TMEM132D: variants seen among roughly 807,000 people sequenced by gnomAD.
The protein encoded by TMEM132D is transmembrane protein 132D, also known as mature OL transmembrane protein.
TMEM132D carries 21 observed loss-of-function variants against 62.3 expected under a neutral mutation model. The ratio of observed to expected loss-of-function variants is 0.34; its 90% confidence interval spans 0.24 to 0.49. The LOEUF is 0.49. TMEM132D is among the 20% of genes least tolerant of loss of function. The pLI is 0.99. For missense variants in TMEM132D, 1,346 were observed against 1,402.8 expected, an observed-to-expected ratio of 0.96 and a Z score of 0.65; for synonymous variants, 621 against 575.6, an observed-to-expected ratio of 1.08 and a Z score of -1.13.
intron 5 of TMEM132D, among the ~76,000 whole-genome samples, chr12:129,086,187 T>G (rs1874611297): frequency 7.5e-6 from 1 of 132,526 alleles, no homozygotes. Context: ...TCACCTCACA[T>G]AGTCACGCGC....
At chr12:129,687,695 A>G (rs918508347) in intron 2 of TMEM132D, among the ~76,000 whole-genome samples, 3 of 152,030 alleles carry the variant, frequency 2.0e-5, no homozygotes, top group Non-Finnish European at 2.9e-5. Flanking sequence ...TTGTTGGTAT[A>G]GGCACTCCTC....
At chr12:129,487,721 A>G (rs562585429) in intron 3 of TMEM132D, among the ~76,000 whole-genome samples, 1 of 151,942 alleles carries the variant, frequency 6.6e-6, no homozygotes, top group African/African-American at 2.4e-5. Context: ...TCATGAGGTC[A>G]GGAGATCTCC....
At chr12:129,758,077 G>T (rs775386168) in intron 1 of TMEM132D, among the ~76,000 whole-genome samples, 79 of 152,068 alleles carry the variant, frequency 5.2e-4, no homozygotes, top group Non-Finnish European at 9.4e-4. Context: ...TAATTATTTT[G>T]TATTTTTAGT....
Position 129,609,043 on chromosome 12 carries a change from C to T in TMEM132D, c.969-77838G>A, listed in dbSNP as rs373959864. Among the ~76,000 whole-genome samples, 24 of 151,720 alleles carry T rather than the reference C, an allele frequency of 1.6e-4. No individual in the cohort carries two copies. The South Asian group carries it at 4.4e-3, about 28-fold the overall frequency. On this transcript the variant is annotated intron_variant, in intron 2 of 8. Coordinates refer to ENST00000422113, the MANE Select transcript of TMEM132D (RefSeq NM_133448.3). Reference sequence around the variant, plus strand: ...GCAACCTCTACCTCCTGGGTTCCAGCGATTCTCCTGCCTCAGCCTCCTGAG... The same window carrying T: ...GCAACCTCTACCTCCTGGGTTCCAGTGATTCTCCTGCCTCAGCCTCCTGAG...
chr12:129,251,393 A>T (rs1231094461), intron 4 of TMEM132D, among the ~76,000 whole-genome samples: 1 of 149,334 alleles, frequency 6.7e-6, no homozygotes, highest in African/African-American at 2.5e-5. Context: ...AGAAGAGAGA[A>T]AAGGGAAGCT....
intron 2 of TMEM132D, among the ~76,000 whole-genome samples, chr12:129,638,442 T>G (rs1398276783): frequency 6.6e-6 from 1 of 151,154 alleles, no homozygotes; most frequent in Non-Finnish European, 1.5e-5. Flanking sequence ...AAAATTAAAT[T>G]TCCTACTTTC....
intron 3 of TMEM132D, among the ~76,000 whole-genome samples, chr12:129,341,871 A>T (rs1317604621): frequency 6.6e-6 from 1 of 152,168 alleles, no homozygotes; most frequent in African/African-American, 2.4e-5. Context: ...CTTACAAGGG[A>T]TGTGAAGGAC....
At chr12:129,689,163 T>TGGGG (rs1301285712) in intron 2 of TMEM132D, among the ~76,000 whole-genome samples, 1,952 of 152,268 alleles carry the variant, frequency 0.013, 34 homozygotes, top group African/African-American at 0.045. Context: ...CTATTCAAAC[T>TGGGG]TAGCCTTGGG....
chr12:129,890,935 AG>A (rs1475924439), intron 1 of TMEM132D, among the ~76,000 whole-genome samples: 3 of 152,206 alleles, frequency 2.0e-5, no homozygotes, highest in Non-Finnish European at 4.4e-5. Flanking sequence ...AGTTTCATGC[AG>A]GCATTAAGGC....
At chr12:129,601,175 T>C (rs892141302) in intron 2 of TMEM132D, among the ~76,000 whole-genome samples, 3 of 152,240 alleles carry the variant, frequency 2.0e-5, no homozygotes, top group Non-Finnish European at 4.4e-5. Flanking sequence ...TTTTATGTCA[T>C]AGAGATGGCA....
At chr12:129,817,940 T>A (rs1872407958) in intron 1 of TMEM132D, among the ~76,000 whole-genome samples, 2 of 147,064 alleles carry the variant, frequency 1.4e-5, no homozygotes, top group Non-Finnish European at 3.0e-5. Context: ...GTTTGGAGTG[T>A]GTGTGTGTGG....
chr12:129,329,826 G>A (rs534638981), intron 4 of TMEM132D, among the ~76,000 whole-genome samples: 13 of 152,276 alleles, frequency 8.5e-5, no homozygotes, highest in South Asian at 2.1e-4. Flanking sequence ...AGGAGAATAC[G>A]TGTGCCAGGA....
At chr12:129,355,482 A>G (rs1297266067) in intron 3 of TMEM132D, among the ~76,000 whole-genome samples, 2 of 152,158 alleles carry the variant, frequency 1.3e-5, no homozygotes, top group African/African-American at 4.8e-5. Flanking sequence ...AAGTTTTTCC[A>G]GATGGTACTC....
chr12:129,642,065 CAG>C (rs1455114774), intron 2 of TMEM132D, among the ~76,000 whole-genome samples: 3 of 151,972 alleles, frequency 2.0e-5, no homozygotes, highest in African/African-American at 7.2e-5. Flanking sequence ...GTATTCCTAG[CAG>C]AGAGACGGGA....
In TMEM132D at chr12:129,468,496, C is replaced by T. The variant is rs540616329; in HGVS notation, c.1115+62563G>A. On this transcript the variant is annotated intron_variant, in intron 3 of 8. Transcript: ENST00000422113. ...ATCCACAGGAAGACAATTAAACACA[C>T]ACAAGTTGCCTACACCTCCAGCCTC... Among the ~76,000 whole-genome samples the T allele has an allele frequency of 3.9e-5, 6 of 152,334 alleles. No homozygotes were observed. In the South Asian group the frequency reaches 1.2e-3, roughly 32 times the overall value.
intron 2 of TMEM132D, among the ~76,000 whole-genome samples, chr12:129,618,406 G>A (rs1379446106): frequency 6.6e-6 from 1 of 152,208 alleles, no homozygotes; most frequent in Non-Finnish European, 1.5e-5. Flanking sequence ...TTTACCTGAT[G>A]TGTTTGTTCG....
intron 1 of TMEM132D, among the ~76,000 whole-genome samples, chr12:129,806,555 AG>A (rs1175644701): frequency 2.4e-5 from 2 of 84,654 alleles, no homozygotes; most frequent in African/African-American, 9.7e-5. Context: ...GGGTGGGGGG[AG>A]GGGGGAGGGA....
chr12:129,498,213 G>C (rs1214630848), intron 3 of TMEM132D, among the ~76,000 whole-genome samples: 1 of 151,572 alleles, frequency 6.6e-6, no homozygotes, highest in Non-Finnish European at 1.5e-5. Flanking sequence ...AACTGCAGGG[G>C]TTTAAGCTCC....
At chr12:129,576,443 T>C (rs1246222169) in intron 2 of TMEM132D, among the ~76,000 whole-genome samples, 1 of 151,862 alleles carries the variant, frequency 6.6e-6, no homozygotes, top group South Asian at 2.1e-4. Context: ...TGTCTATAAG[T>C]ATGTGTATAG....
Sources: allele counts gnomAD v4.1 joint callset (sites outside exome capture counted in the v4.1 genomes callset), GRCh38; gene constraint gnomAD v4.1.1; transcripts MANE v1.5; gene names NCBI Gene and HGNC (gene_info 2026-07-23, HGNC 2026-07-21).